DCC: variants seen among roughly 807,000 people sequenced by gnomAD.
The protein encoded by DCC is DCC netrin 1 receptor.
A neutral mutation model predicts 172.5 loss-of-function variants in DCC; 58 were observed. That is an observed-to-expected ratio of 0.34 (90% CI 0.27 to 0.42). The LOEUF is 0.42. Ranked by LOEUF, DCC falls within the 10% of genes least tolerant of loss-of-function variation. DCC has a pLI of 1.00. For missense variants in DCC, 1,740 were observed against 1,791.0 expected (o/e 0.97, Z 0.51); for synonymous variants, 709 against 644.5 (o/e 1.10, Z -1.52).
intron 1 of DCC, among the ~76,000 whole-genome samples, chr18:52,634,303 T>C (rs2034731971): frequency 6.6e-6 from 1 of 152,234 alleles, no homozygotes; most frequent in Non-Finnish European, 1.5e-5. Flanking sequence ...CAGGCATCTG[T>C]AACAAAACCT....
At chr18:52,917,138 A>C (rs1328112133) in intron 3 of DCC, among the ~76,000 whole-genome samples, 2 of 116,138 alleles carry the variant, frequency 1.7e-5, no homozygotes, top group South Asian at 2.4e-4. Context: ...AAAAGAAAAC[A>C]AAAAAAAAAA....
At chr18:53,166,088 A>G (rs9959914) in intron 8 of DCC, among the ~76,000 whole-genome samples, 63,919 of 151,916 alleles carry the variant, frequency 0.42, 14,223 homozygotes, top group East Asian at 0.71. Flanking sequence ...ATGGAGCAGC[A>G]GAGAGAACTT....
chr18:53,428,281 AT>A (rs1911193611), intron 21 of DCC, among the ~76,000 whole-genome samples: 1 of 83,446 alleles, frequency 1.2e-5, no homozygotes, highest in Non-Finnish European at 2.1e-5. Flanking sequence ...AATATAATAA[AT>A]TATATAGAAT....
intron 1 of DCC, among the ~76,000 whole-genome samples, chr18:52,521,663 G>T (rs1486190967): frequency 6.6e-6 from 1 of 152,032 alleles, no homozygotes; most frequent in East Asian, 1.9e-4. Context: ...TTCAGTTTGG[G>T]GGAGGTATAC....
intron 11 of DCC, among the ~76,000 whole-genome samples, chr18:53,210,255 T>C (rs191281566): frequency 2.7e-4 from 41 of 152,312 alleles, no homozygotes; most frequent in African/African-American, 6.0e-4. Context: ...ATATATCACA[T>C]TGAGTTGTAT....
chr18:52,970,252 T>C (rs1253136878), intron 5 of DCC, among the ~76,000 whole-genome samples: 1 of 152,088 alleles, frequency 6.6e-6, no homozygotes, highest in Non-Finnish European at 1.5e-5. Flanking sequence ...TTCTAACATT[T>C]AGAATATATT....
chr18:52,407,915 T>A (rs1986708666), intron 1 of DCC, among the ~76,000 whole-genome samples: 1 of 152,100 alleles, frequency 6.6e-6, no homozygotes, highest in South Asian at 2.1e-4. Flanking sequence ...TTCCTTTAGT[T>A]ATTTTGCCTC....
chr18:53,397,723 C>T (rs1909043550), intron 18 of DCC, among the ~76,000 whole-genome samples: 1 of 152,136 alleles, frequency 6.6e-6, no homozygotes, highest in Non-Finnish European at 1.5e-5. Flanking sequence ...CTTCTTTTCA[C>T]TACATTTAAG....
At chr18:53,257,470 CAT>C (rs1306285077) in intron 12 of DCC, among the ~76,000 whole-genome samples, 1 of 152,148 alleles carries the variant, frequency 6.6e-6, no homozygotes. Context: ...TTGAGATAAT[CAT>C]ATGGTTTTTG....
Position 53,230,578 on chromosome 18 carries a change from C to A in DCC, c.1911+14981C>A, listed in dbSNP as rs554471231. ...TGTTTAAAAATTAGATACTGATATTCCTTAAGAAGCCTTATTTTTAAATAA... is the reference window on the plus strand; with the variant it reads ...TGTTTAAAAATTAGATACTGATATTACTTAAGAAGCCTTATTTTTAAATAA... On this transcript the variant is annotated intron_variant, in intron 12 of 28. Coordinates refer to ENST00000442544, the MANE Select transcript of DCC (RefSeq NM_005215.4). 4.6e-5 allele frequency among the ~76,000 whole-genome samples: 7 copies of A among 151,990 alleles called. No individual in the cohort carries two copies. The South Asian group carries it at 1.2e-3, about 27-fold the overall frequency.
At chr18:52,913,260 A>G (rs9963041) in intron 3 of DCC, among the ~76,000 whole-genome samples, 60,433 of 151,910 alleles carry the variant, frequency 0.4, 12,586 homozygotes, top group Non-Finnish European at 0.47. Flanking sequence ...CATTCCATTC[A>G]GATGTAACAA....
rs573651087 is a variant in DCC, at chr18:53,003,623, C to G, written c.986-59682C>G. On this transcript the variant is annotated intron_variant, in intron 5 of 28. Coordinates refer to ENST00000442544, the MANE Select transcript of DCC (RefSeq NM_005215.4). ...CTGTCCAAAGACTTTCTATACCTATCTCAGTGCCTGTTGTAGGGATAGGAG... is the reference window on the plus strand; with the variant it reads ...CTGTCCAAAGACTTTCTATACCTATGTCAGTGCCTGTTGTAGGGATAGGAG... 9.2e-5 allele frequency among the ~76,000 whole-genome samples: 14 copies of G among 152,200 alleles called. No individual in the cohort carries two copies. The East Asian group carries it at 2.7e-3, about 29-fold the overall frequency.
chr18:52,469,631 G>C (rs912582484), intron 1 of DCC, among the ~76,000 whole-genome samples: 2 of 152,050 alleles, frequency 1.3e-5, no homozygotes, highest in Non-Finnish European at 2.9e-5. Context: ...AGCTTTAATT[G>C]GGTGCCCACC....
intron 5 of DCC, among the ~76,000 whole-genome samples, chr18:53,046,948 C>T (rs2042246564): frequency 6.6e-6 from 1 of 151,450 alleles, no homozygotes; most frequent in African/African-American, 2.4e-5. Context: ...TGGCTTTTCC[C>T]AGGTCTTCCT....
chr18:53,304,521 C>T (rs183702072), intron 12 of DCC, among the ~76,000 whole-genome samples: 40 of 152,286 alleles, frequency 2.6e-4, no homozygotes, highest in Middle Eastern at 6.8e-3. Flanking sequence ...CTCTTGCCTA[C>T]ATCCCTGTTC....
At chr18:52,728,380 C>T (rs979415988) in intron 1 of DCC, among the ~76,000 whole-genome samples, 2 of 152,192 alleles carry the variant, frequency 1.3e-5, no homozygotes, top group African/African-American at 4.8e-5. Context: ...AGTAGGCAGA[C>T]TGAAGATTTC....
chr18:52,474,334 G>C (rs1022229973), intron 1 of DCC, among the ~76,000 whole-genome samples: 1 of 151,940 alleles, frequency 6.6e-6, no homozygotes, highest in Non-Finnish European at 1.5e-5. Flanking sequence ...TGGTGGCGGA[G>C]ATTTTAGAGG....
chr18:53,372,800 G>A (rs557827326), intron 15 of DCC, among the ~76,000 whole-genome samples: 1 of 152,172 alleles, frequency 6.6e-6, no homozygotes, highest in East Asian at 1.9e-4. Flanking sequence ...CCTCCTTAGG[G>A]AGAAATCTGT....
chr18:52,791,479 T>G (rs375629774), intron 2 of DCC, among the ~76,000 whole-genome samples: 268 of 139,350 alleles, frequency 1.9e-3, no homozygotes, highest in African/African-American at 6.5e-3. Flanking sequence ...TTTGTTTTTT[T>G]TTTGTTTTTT....
Sources: gnomAD v4.1 joint callset for allele counts (sites outside exome capture counted in the v4.1 genomes callset) on GRCh38, gnomAD v4.1.1 for gene constraint, MANE v1.5 for transcripts, NCBI Gene and HGNC (gene_info 2026-07-23, HGNC 2026-07-21) for gene names.